The following XIRP2 variants were observed in gnomAD, a reference collection of about 807,000 sequenced individuals.
The protein encoded by XIRP2 is xin actin-binding repeat-containing protein 2.
XIRP2 carries 236 observed loss-of-function variants against 277.0 expected under a neutral mutation model. The ratio of observed to expected loss-of-function variants is 0.85; its 90% CI spans 0.77 to 0.95. XIRP2 has a LOEUF of 0.95. Ranked by LOEUF, XIRP2 falls within the 40% of genes least tolerant of loss-of-function variation. XIRP2 has a pLI of 0.00. For missense variants in XIRP2, 4,640 were observed against 4,157.5 expected (o/e 1.12, Z -3.19); for synonymous variants, 1,490 against 1,416.5 (o/e 1.05, Z -1.17).
At chr2:167,153,402 A>AT (rs1001785781) in intron 3 of XIRP2, among the ~76,000 whole-genome samples, 2 of 150,360 alleles carry the variant, frequency 1.3e-5, no homozygotes, top group Non-Finnish European at 3.0e-5. Flanking sequence ...AATTTTTTTT[A>AT]TTTTTTTATT....
At chr2:166,890,256 CT>C (rs1302726766) in intron 1 of XIRP2, among the ~76,000 whole-genome samples, 1 of 151,962 alleles carries the variant, frequency 6.6e-6, no homozygotes, top group Non-Finnish European at 1.5e-5. Flanking sequence ...GCCTCCCAAA[CT>C]GCTGGGATTA....
chr2:167,077,300 GAAGT>G (rs1287318234), intron 2 of XIRP2, among the ~76,000 whole-genome samples: 2 of 152,110 alleles, frequency 1.3e-5, no homozygotes, highest in Non-Finnish European at 2.9e-5. Flanking sequence ...CATTTTAATG[GAAGT>G]ATGTACTTAT....
intron 2 of XIRP2, among the ~76,000 whole-genome samples, chr2:166,971,650 A>G (rs1686581088): frequency 6.6e-6 from 1 of 152,112 alleles, no homozygotes. Flanking sequence ...GATATTTTAC[A>G]GTGGTTTTGC....
chr2:167,258,368 C>T lies in XIRP2; in HGVS notation c.*551C>T, dbSNP rs1695725834. ...TTTGCAGCCTTATCTACAGTCCACC[C>T]ATGTTTGTCAGAAAGAGGATGTTAT... On this transcript the variant is annotated 3_prime_UTR_variant, in exon 11 of 11. Coordinates refer to ENST00000409195, the MANE Select transcript of XIRP2 (RefSeq NM_152381.6). The T allele has an allele frequency of 6.2e-7, 1 of 1,613,216 alleles. No individual in the cohort carries two copies. Among genetic ancestry groups the T allele is most frequent in the East Asian group, 2.2e-5 (1 of 44,810 alleles).
At chr2:167,142,313 GC>G (rs1278089665) in intron 3 of XIRP2, among the ~76,000 whole-genome samples, 1 of 152,104 alleles carries the variant, frequency 6.6e-6, no homozygotes, top group Non-Finnish European at 1.5e-5. Flanking sequence ...ACTTTGGGAG[GC>G]CAAGGTGGGC....
intron 2 of XIRP2, among the ~76,000 whole-genome samples, chr2:167,088,143 T>TATC (rs1257472582): frequency 6.6e-6 from 1 of 152,162 alleles, no homozygotes; most frequent in Non-Finnish European, 1.5e-5. Context: ...TGTTTAAAAG[T>TATC]ATCAAAAATT....
intron 3 of XIRP2, among the ~76,000 whole-genome samples, chr2:167,148,893 A>G (rs897511108): frequency 2.6e-5 from 4 of 152,146 alleles, no homozygotes; most frequent in African/African-American, 4.8e-5. Context: ...AAGCAAGCCC[A>G]GAAACTGTTA....
At chr2:167,193,664 G>A (rs1693413528) in intron 3 of XIRP2, among the ~76,000 whole-genome samples, 1 of 152,046 alleles carries the variant, frequency 6.6e-6, no homozygotes. Context: ...AATCACTTGA[G>A]GCTAGGAGTT....
chr2:167,116,514 C>T (rs1346643491), intron 2 of XIRP2, among the ~76,000 whole-genome samples: 1 of 152,062 alleles, frequency 6.6e-6, no homozygotes, highest in African/African-American at 2.4e-5. Flanking sequence ...ATTCTTTCAA[C>T]CTACCTATGT....
In XIRP2 at chr2:167,259,408, A is replaced by G. The variant is rs1262608315; in HGVS notation, c.*1591A>G. On this transcript the variant is annotated 3_prime_UTR_variant, in exon 11 of 11. Transcript: ENST00000409195. The stretch of plus-strand genomic sequence containing the variant: ...AGTCCACACTTAGGCACTGAGAGAT[A>G]TTGATGTTCTGAAATAAGATTTTAT... The G allele has an allele frequency of 1.3e-6, 2 of 1,510,436 alleles. No homozygotes were observed. The highest frequency in any genetic ancestry group is 2.8e-5 in the African/African-American group (2 of 71,096). 93.6% of individuals were successfully genotyped at this position (1,510,436 alleles called of 1,614,324 possible).
In XIRP2 at chr2:167,247,345, G is replaced by C; in HGVS notation, c.5953G>C (p.Glu1985Gln). Residue 1985 changes from glutamate (E) to glutamine (Q), a missense_variant, in exon 9 of 11, where the codon GAG (glutamate) becomes CAG (glutamine). Glu to Gln is a conservative substitution (Grantham distance 29, BLOSUM62 2). Coordinates refer to ENST00000409195, the MANE Select transcript of XIRP2 (RefSeq NM_152381.6). The part of the protein sequence containing the change: ...SLLQPKPGPF[E>Q]PAAKWQGGAD... ...TCTTCAGCCAAAGCCAGGTCCATTT[G>C]AGCCAGCGGCCAAGTGGCAAGGGGG... is the stretch of plus-strand genomic sequence containing the variant. 2 of 1,613,710 alleles carry C rather than the reference G, an allele frequency of 1.2e-6. No individual in the cohort carries two copies. Among genetic ancestry groups the C allele is most frequent in the Admixed American group, 1.7e-5 (1 of 59,980 alleles).
intron 3 of XIRP2, among the ~76,000 whole-genome samples, chr2:167,201,344 A>AGGGAGGGAGG (rs1693711957): frequency 2.9e-5 from 3 of 103,152 alleles, no homozygotes; most frequent in Admixed American, 1.0e-4. Flanking sequence ...AAGGAAGGAA[A>AGGGAGGGAGG]GAAGGAAGGA....
At chr2:166,986,738 TG>T (rs1371607861) in intron 2 of XIRP2, among the ~76,000 whole-genome samples, 2 of 152,204 alleles carry the variant, frequency 1.3e-5, no homozygotes, top group Non-Finnish European at 2.9e-5. Flanking sequence ...ATCTTTGTAT[TG>T]AATTAATTTA....
At chr2:166,926,773 G>T (rs1685198708) in intron 2 of XIRP2, among the ~76,000 whole-genome samples, 1 of 152,108 alleles carries the variant, frequency 6.6e-6, no homozygotes, top group South Asian at 2.1e-4. Context: ...AGACTAGAGA[G>T]CAGAGGAAAC....
At chr2:167,124,772 G>A (rs1007393892) in intron 2 of XIRP2, among the ~76,000 whole-genome samples, 17 of 152,118 alleles carry the variant, frequency 1.1e-4, no homozygotes, top group African/African-American at 4.1e-4. Flanking sequence ...GAAAGCAGTT[G>A]GAATTTCTAT....
intron 2 of XIRP2, among the ~76,000 whole-genome samples, chr2:166,925,330 ATGAC>A (rs1300989299): frequency 1.3e-5 from 2 of 151,904 alleles, no homozygotes; most frequent in African/African-American, 4.8e-5. Context: ...TAATTACTGA[ATGAC>A]TGATGCATTC....
chr2:167,028,650 C>A (rs577211741), intron 2 of XIRP2, among the ~76,000 whole-genome samples: 1 of 151,858 alleles, frequency 6.6e-6, no homozygotes, highest in African/African-American at 2.4e-5. Context: ...TCTTCAATGT[C>A]TAGACACAGA....
intron 2 of XIRP2, among the ~76,000 whole-genome samples, chr2:166,906,779 C>CA (rs1241228837): frequency 1.3e-5 from 2 of 152,020 alleles, no homozygotes; most frequent in Non-Finnish European, 2.9e-5. Flanking sequence ...CAACCCATAG[C>CA]AAAACCCTGT....
At chr2:167,154,094 T>C (rs900266538) in intron 3 of XIRP2, among the ~76,000 whole-genome samples, 2 of 149,590 alleles carry the variant, frequency 1.3e-5, no homozygotes, top group South Asian at 2.2e-4. Flanking sequence ...TTTTAAAGAT[T>C]GCCATTCTAA....
Sources: gnomAD v4.1 joint callset for allele counts (sites outside exome capture counted in the v4.1 genomes callset) on GRCh38, gnomAD v4.1.1 for gene constraint, MANE v1.5 for transcripts, NCBI Gene and HGNC (gene_info 2026-07-23, HGNC 2026-07-21) for gene names.